XPO6: variants seen among roughly 807,000 people sequenced by gnomAD.
XPO6 encodes exportin 6.
XPO6 carries 3 observed loss-of-function variants against 130.0 expected under a neutral mutation model. The observed-to-expected ratio is 0.02, with a 90% confidence interval of 0.01 to 0.06. The LOEUF is 0.06. Among genes scored for constraint, XPO6 ranks in the 10% least tolerant of loss-of-function variants. The pLI is 1.00. For synonymous variants in XPO6, 524 were observed against 548.9 expected (o/e 0.95, Z 0.63); for missense variants, 970 against 1,393.0 (o/e 0.70, Z 4.83).
chr16:28,110,635 T>A (rs2086895532), intron 17 of XPO6, among the ~76,000 whole-genome samples: 2 of 152,238 alleles, frequency 1.3e-5, no homozygotes, highest in Admixed American at 6.5e-5. Flanking sequence ...TTACACGTGA[T>A]AAAGCATGAC....
intron 13 of XPO6, among the ~76,000 whole-genome samples, chr16:28,123,627 C>G (rs993017837): frequency 6.6e-6 from 1 of 152,090 alleles, no homozygotes; most frequent in Non-Finnish European, 1.5e-5. Context: ...AGGAGCACTT[C>G]CGGTCAGTCA....
intron 1 of XPO6, among the ~76,000 whole-genome samples, chr16:28,202,150 GA>G (rs1279568254): frequency 1.3e-5 from 2 of 152,180 alleles, no homozygotes; most frequent in African/African-American, 4.8e-5. Context: ...GCTGTGGCTG[GA>G]AAACAAGGTG....
intron 1 of XPO6, among the ~76,000 whole-genome samples, 172 bp downstream of exon 1, chr16:28,211,194 A>C (rs1333162421): frequency 6.6e-6 from 1 of 151,972 alleles, no homozygotes; most frequent in Non-Finnish European, 1.5e-5. Flanking sequence ...CCCTGGGGGG[A>C]TGGGAGCGCA....
At chr16:28,211,207 G>A (rs1334825867) in intron 1 of XPO6, among the ~76,000 whole-genome samples, 159 bp downstream of exon 1, 1 of 152,158 alleles carries the variant, frequency 6.6e-6, no homozygotes, top group Non-Finnish European at 1.5e-5. Flanking sequence ...GGAGCGCAGG[G>A]CCGGGGCTGC....
At chr16:28,116,791 C>T (rs750151967) in intron 15 of XPO6, among the ~76,000 whole-genome samples, 7 of 152,122 alleles carry the variant, frequency 4.6e-5, no homozygotes, top group Non-Finnish European at 1.5e-5. Context: ...GATCACAAAT[C>T]GCTGTAAGAT....
intron 15 of XPO6, 57 bp downstream of exon 15, chr16:28,117,261 G>A: frequency 6.2e-7 from 1 of 1,602,672 alleles, no homozygotes; most frequent in South Asian, 1.1e-5. Context: ...ATGGGTATAG[G>A]AACAGAAGGA....
At chr16:28,108,636 C>T (rs1006488288) in intron 17 of XPO6, among the ~76,000 whole-genome samples, 8 of 152,218 alleles carry the variant, frequency 5.3e-5, no homozygotes, top group African/African-American at 1.9e-4. Flanking sequence ...CATGGCTCAG[C>T]CTGAGCCTAG....
Position 28,098,507 on chromosome 16 carries a change from C to G in XPO6, c.*31G>C. 1 of 1,582,560 alleles carries G rather than the reference C, an allele frequency of 6.3e-7. No individual in the cohort carries two copies. Among genetic ancestry groups the G allele is most frequent in the Non-Finnish European group, 8.6e-7 (1 of 1,158,192 alleles). ...GTAGGGCTGGCGCAGGTGGCAGCAG[C>G]AGAAGTCCGTGTCCCCAGGCAGTAG... is the stretch of plus-strand genomic sequence containing the variant. On this transcript the variant is annotated 3_prime_UTR_variant, in exon 24 of 24. Transcript: ENST00000304658.
At chr16:28,159,367 AAT>A (rs1159699533) in intron 6 of XPO6, among the ~76,000 whole-genome samples, 1 of 152,190 alleles carries the variant, frequency 6.6e-6, no homozygotes, top group East Asian at 1.9e-4. Context: ...CAATACTAAG[AAT>A]GTTTAAAATG....
chr16:28,113,964 AATGTT>A (rs1488868404), intron 15 of XPO6, among the ~76,000 whole-genome samples: 2 of 152,166 alleles, frequency 1.3e-5, no homozygotes, highest in African/African-American at 4.8e-5. Context: ...AAATGTATAA[AATGTT>A]ATGTATGACT....
At chr16:28,112,124 C>T (rs1196802293) in intron 16 of XPO6, 118 bp from the exon 17 acceptor site, 2 of 1,225,410 alleles carry the variant, frequency 1.6e-6, no homozygotes, top group Non-Finnish European at 2.2e-6. Context: ...CCCCCAGGCT[C>T]GTTTCTTGCA....
chr16:28,112,053 C>G, intron 16 of XPO6, 47 bp from the exon 17 acceptor site: 1 of 1,560,038 alleles, frequency 6.4e-7, no homozygotes, highest in Non-Finnish European at 8.7e-7. Context: ...AGCCAAAGAC[C>G]GTGGTGCGGC....
intron 6 of XPO6, among the ~76,000 whole-genome samples, chr16:28,158,761 T>G (rs542487007): frequency 9.9e-5 from 15 of 152,066 alleles, no homozygotes; most frequent in Non-Finnish European, 2.1e-4. Flanking sequence ...CCTACTGGAG[T>G]AGAGCCTGAA....
chr16:28,109,709 A>C (rs1169263042), intron 17 of XPO6, among the ~76,000 whole-genome samples: 1 of 152,266 alleles, frequency 6.6e-6, no homozygotes, highest in East Asian at 1.9e-4. Context: ...CTAAAGAGAT[A>C]TAACAACCAA....
chr16:28,173,674 T>C (rs2043491168), intron 4 of XPO6, among the ~76,000 whole-genome samples: 2 of 152,160 alleles, frequency 1.3e-5, no homozygotes, highest in Admixed American at 6.5e-5. Flanking sequence ...TTCTACTACA[T>C]GGTGTTTCAA....
chr16:28,104,814 G>A (rs1346526886), intron 20 of XPO6, 107 bp from the exon 21 acceptor site: 23 of 1,264,620 alleles, frequency 1.8e-5, no homozygotes, highest in Non-Finnish European at 2.5e-5. Flanking sequence ...CAAGCCGAGT[G>A]TCAACACTCC....
intron 17 of XPO6, among the ~76,000 whole-genome samples, chr16:28,109,026 A>G (rs1425288376): frequency 3.9e-5 from 6 of 152,170 alleles, no homozygotes; most frequent in East Asian, 1.9e-4. Context: ...ATGGACTTCT[A>G]CTCAGCTAGG....
At chr16:28,178,851 G>A (rs1249410490) in intron 2 of XPO6, among the ~76,000 whole-genome samples, 3 of 151,638 alleles carry the variant, frequency 2.0e-5, no homozygotes, top group East Asian at 1.9e-4. Flanking sequence ...GGTGTATCAC[G>A]AGGTCAAGAG....
chr16:28,155,427 C>G (rs2043168003), intron 7 of XPO6, among the ~76,000 whole-genome samples: 1 of 151,134 alleles, frequency 6.6e-6, no homozygotes, highest in African/African-American at 2.4e-5. Context: ...CCTCAGAGTA[C>G]TGTGATGGAG....
Sources: gnomAD v4.1 joint callset for allele counts (sites outside exome capture counted in the v4.1 genomes callset) on GRCh38, gnomAD v4.1.1 for gene constraint, MANE v1.5 for transcripts, NCBI Gene and HGNC (gene_info 2026-07-23, HGNC 2026-07-21) for gene names.